Variants in CACHD1 observed in about 807,000 individuals in gnomAD.
The protein encoded by CACHD1 is cache domain containing 1, also known as VWFA and cache domain-containing protein 1.
Under a neutral mutation model 138.7 loss-of-function variants are expected in CACHD1, and 71 were observed. That is an observed-to-expected ratio of 0.51 (90% CI 0.42 to 0.62). CACHD1 has a LOEUF of 0.62. Among genes scored for constraint, CACHD1 ranks in the 20% least tolerant of loss-of-function variants. The pLI is 0.00. For missense variants in CACHD1, 1,389 were observed against 1,625.3 expected (o/e 0.85, Z 2.50); for synonymous variants, 578 against 591.5 (o/e 0.98, Z 0.33).
chr1:64,512,031 A>G (rs1036475875), intron 1 of CACHD1, among the ~76,000 whole-genome samples: 5 of 152,156 alleles, frequency 3.3e-5, no homozygotes, highest in African/African-American at 7.2e-5. Context: ...CCATAACTCT[A>G]TGAGGTAGAA....
intron 3 of CACHD1, among the ~76,000 whole-genome samples, chr1:64,602,519 CTGTATGA>C (rs1647228913): frequency 1.7e-5 from 1 of 58,956 alleles, no homozygotes; most frequent in Non-Finnish European, 4.0e-5. Flanking sequence ...CATCTATTTT[CTGTATGA>C]TTTTATCAGT....
intron 9 of CACHD1, among the ~76,000 whole-genome samples, chr1:64,648,726 TA>T (rs1471745102): frequency 6.6e-6 from 1 of 152,204 alleles, no homozygotes; most frequent in Non-Finnish European, 1.5e-5. Flanking sequence ...AAGTTACCCA[TA>T]ACAGGATGTT....
intron 4 of CACHD1, among the ~76,000 whole-genome samples, chr1:64,614,896 C>T (rs1182860006): frequency 1.3e-5 from 2 of 152,116 alleles, no homozygotes; most frequent in African/African-American, 2.4e-5. Context: ...TCTTTTTCCA[C>T]ACATCCTAAA....
At chr1:64,584,054 G>A (rs1647032119) in intron 3 of CACHD1, among the ~76,000 whole-genome samples, 1 of 152,060 alleles carries the variant, frequency 6.6e-6, no homozygotes, top group South Asian at 2.1e-4. Context: ...ATAAAATGAG[G>A]GTCCAGTTGG....
chr1:64,651,752 A>G (rs932300858), intron 9 of CACHD1, among the ~76,000 whole-genome samples: 2 of 152,232 alleles, frequency 1.3e-5, no homozygotes, highest in Non-Finnish European at 2.9e-5. Context: ...GTACAGCTGG[A>G]CTATTAAGTA....
intron 3 of CACHD1, among the ~76,000 whole-genome samples, chr1:64,599,214 T>C (rs1295110918): frequency 1.3e-5 from 2 of 152,124 alleles, no homozygotes; most frequent in Non-Finnish European, 2.9e-5. Flanking sequence ...ATAGTCCAAA[T>C]GGACGAAGAC....
intron 3 of CACHD1, among the ~76,000 whole-genome samples, chr1:64,599,758 G>A (rs550512457): frequency 9.5e-4 from 144 of 152,218 alleles, no homozygotes; most frequent in Middle Eastern, 3.4e-3. Flanking sequence ...ATAGTTCCCT[G>A]ATGTCCCTGG....
chr1:64,627,051 G>C (rs1164830262), intron 4 of CACHD1, among the ~76,000 whole-genome samples: 1 of 152,016 alleles, frequency 6.6e-6, no homozygotes, highest in Non-Finnish European at 1.5e-5. Flanking sequence ...CAGAATAATA[G>C]TGGATATAAA....
At chr1:64,628,696 A>C (rs138991963) in intron 4 of CACHD1, among the ~76,000 whole-genome samples, 11 of 152,282 alleles carry the variant, frequency 7.2e-5, no homozygotes, top group African/African-American at 2.4e-4. Context: ...TTTACTGATG[A>C]GGTCTTTGAT....
Position 64,509,671 on chromosome 1 carries a change from A to G in CACHD1, c.198+38729A>G, listed in dbSNP as rs141864113. ...CCAAGGATAGAAGGAAAACACTACA[A>G]CATTATATATAAATGCAAAATTAAG... On this transcript the variant is annotated intron_variant, in intron 1 of 26. Coordinates refer to ENST00000651257, the MANE Select transcript of CACHD1 (RefSeq NM_020925.4). 2.8e-3 allele frequency among the ~76,000 whole-genome samples: 424 copies of G among 152,352 alleles called. 2 individuals are homozygous for G. Among genetic ancestry groups the G allele is most frequent in the African/African-American group, 8.9e-3 (372 of 41,584 alleles).
intron 2 of CACHD1, among the ~76,000 whole-genome samples, chr1:64,553,468 A>G (rs1370135494): frequency 1.3e-5 from 2 of 152,200 alleles, no homozygotes; most frequent in Non-Finnish European, 1.5e-5. Context: ...GAACTTCAGA[A>G]CAACTCCATG....
At chr1:64,596,708 AT>A (rs1021969901) in intron 3 of CACHD1, among the ~76,000 whole-genome samples, 2 of 151,994 alleles carry the variant, frequency 1.3e-5, no homozygotes, top group Middle Eastern at 3.2e-3. Flanking sequence ...AGAAGAAATG[AT>A]TTTTTTTAAC....
At chr1:64,480,912 CAG>C (rs1011812754) in intron 1 of CACHD1, among the ~76,000 whole-genome samples, 3 of 147,666 alleles carry the variant, frequency 2.0e-5, no homozygotes, top group Non-Finnish European at 4.4e-5. Flanking sequence ...GTGAAAATTG[CAG>C]TAGGATTACT....
At chr1:64,504,594 T>G (rs570406607) in intron 1 of CACHD1, among the ~76,000 whole-genome samples, 6 of 152,316 alleles carry the variant, frequency 3.9e-5, no homozygotes, top group Admixed American at 1.3e-4. Context: ...TTTGCTTTCC[T>G]AAGCAAGGGA....
At chr1:64,576,619 C>T (rs1316312551) in intron 2 of CACHD1, among the ~76,000 whole-genome samples, 1 of 152,154 alleles carries the variant, frequency 6.6e-6, no homozygotes, top group Non-Finnish European at 1.5e-5. Context: ...GAGGCAAGAG[C>T]ACCCCCAGTA....
At chr1:64,594,459 A>G (rs1647133978) in intron 3 of CACHD1, among the ~76,000 whole-genome samples, 1 of 152,070 alleles carries the variant, frequency 6.6e-6, no homozygotes, top group Non-Finnish European at 1.5e-5. Context: ...TGACCCTCCA[A>G]AGTTGCTAAA....
intron 26 of CACHD1, among the ~76,000 whole-genome samples, chr1:64,682,576 G>A (rs1341648200): frequency 6.6e-6 from 1 of 152,180 alleles, no homozygotes; most frequent in African/African-American, 2.4e-5. Context: ...CCTTGAGGGG[G>A]TGATTAAAGA....
intron 14 of CACHD1, 42 bp downstream of exon 14, chr1:64,663,879 A>G: frequency 6.2e-7 from 1 of 1,612,216 alleles, no homozygotes; most frequent in Non-Finnish European, 8.5e-7. Flanking sequence ...GTCCCCCTCC[A>G]CAGGCCCAGC....
At chr1:64,660,371 A>G (rs1053300666) in intron 13 of CACHD1, among the ~76,000 whole-genome samples, 1 of 152,150 alleles carries the variant, frequency 6.6e-6, no homozygotes, top group Non-Finnish European at 1.5e-5. Context: ...CACTTTAAAT[A>G]TGGCTCATCC....
Sources: gnomAD v4.1 joint callset for allele counts (sites outside exome capture counted in the v4.1 genomes callset) on GRCh38, gnomAD v4.1.1 for gene constraint, MANE v1.5 for transcripts, NCBI Gene and HGNC (gene_info 2026-07-23, HGNC 2026-07-21) for gene names.